CNKSR3: variants seen among roughly 807,000 people sequenced by gnomAD.
The protein encoded by CNKSR3 is connector enhancer of kinase suppressor of ras 3.
Under a neutral mutation model 67.7 loss-of-function variants are expected in CNKSR3, and 36 were observed. The ratio of observed to expected loss-of-function variants is 0.53; its 90% CI spans 0.41 to 0.70. The LOEUF (loss-of-function observed/expected upper bound fraction) is 0.70, where lower values mean the gene tolerates loss of function less well. CNKSR3 is among the 30% of genes least tolerant of loss of function. The pLI is 0.00. For synonymous variants in CNKSR3, 281 were observed against 271.4 expected (o/e 1.04, Z -0.35); for missense variants, 630 against 695.2 (o/e 0.91, Z 1.05).
In CNKSR3 at chr6:154,406,524, T is replaced by C; in HGVS notation, c.1498A>G (p.Ile500Val). The C allele has an allele frequency of 6.2e-7, 1 of 1,614,210 alleles. No homozygotes were observed. The highest frequency in any genetic ancestry group is 8.5e-7 in the Non-Finnish European group (1 of 1,180,036). The stretch of plus-strand genomic sequence containing the variant: ...TTGATGTAGCACCTGCTTCCTCGGA[T>C]GTAGTCCGCACCCCGGACCAGATGC... ...ERHLVRGADYIRGSRCYINSD... is the reference protein window; with the variant it reads ...ERHLVRGADYVRGSRCYINSD... The change falls in exon 13 of 13, where the codon ATC becomes GTC. Residue 500 changes from isoleucine to valine, a missense_variant. Physicochemically the swap from Ile to Val is conservative, Grantham distance 29. This residue lies in a region of CNKSR3 where 308 missense variants were observed against 299.6 expected (regional missense o/e 1.03). Transcript: ENST00000607772.
chr6:154,441,448 T>G, intron 3 of CNKSR3, 69 bp from the exon 4 acceptor site: 1 of 1,098,122 alleles, frequency 9.1e-7, no homozygotes, highest in Non-Finnish European at 1.4e-6. Context: ...TGGATGTTGG[T>G]AAGCATAGCT....
intron 1 of CNKSR3, among the ~76,000 whole-genome samples, chr6:154,479,225 A>AT (rs1786516581): frequency 8.4e-6 from 1 of 118,562 alleles, no homozygotes; most frequent in Non-Finnish European, 1.9e-5. Context: ...GAGAAAAAAA[A>AT]AAAAAATATT....
At position 154,459,537 on chromosome 6, in the gene CNKSR3, C is replaced by T. The variant is rs142466521; in HGVS notation, c.53-9279G>A. On this transcript the variant is annotated intron_variant, in intron 1 of 12. Transcript: ENST00000607772. ...CACATTGCTGAAGAGCTACCAAATA[C>T]GTAGTAATGAGCCCACAGCTTCAAT... Among the ~76,000 whole-genome samples the T allele has an allele frequency of 2.9e-3, 435 of 152,316 alleles. 3 individuals are homozygous for T. Among genetic ancestry groups the T allele is most frequent in the African/African-American group, 9.9e-3 (413 of 41,566 alleles).
intron 12 of CNKSR3, among the ~76,000 whole-genome samples, chr6:154,406,867 C>CA (rs1395084958): frequency 1.3e-5 from 2 of 151,528 alleles, no homozygotes; most frequent in Non-Finnish European, 2.9e-5. Flanking sequence ...CTCAGAGAAA[C>CA]GTTTGAACCC....
In CNKSR3 at chr6:154,426,677, G is replaced by T. The variant is rs1024818336; in HGVS notation, c.729+1451C>A. Among the ~76,000 whole-genome samples, 2 of 152,130 alleles carry T rather than the reference G, an allele frequency of 1.3e-5. 1 individual carries two copies. Among genetic ancestry groups the T allele is most frequent in the Admixed American group, 1.3e-4 (2 of 15,262 alleles). On this transcript the variant is annotated intron_variant, in intron 7 of 12. Coordinates refer to ENST00000607772, the MANE Select transcript of CNKSR3 (RefSeq NM_173515.4). ...GCCCGTCTTTTCTTTAAAACGGGGG[G>T]TGGTGCAAGAGGAAGGAAGTACTAT...
intron 2 of CNKSR3, among the ~76,000 whole-genome samples, chr6:154,443,611 T>C (rs538677100): frequency 3.9e-4 from 59 of 152,026 alleles, no homozygotes; most frequent in African/African-American, 1.4e-3. Context: ...TGGACAATCA[T>C]AGAGTCATGG....
chr6:154,484,109 A>G (rs1786618878), intron 1 of CNKSR3, among the ~76,000 whole-genome samples: 1 of 152,184 alleles, frequency 6.6e-6, no homozygotes, highest in Non-Finnish European at 1.5e-5. Context: ...CCTGCCACTT[A>G]AATCTCTGGG....
intron 1 of CNKSR3, among the ~76,000 whole-genome samples, chr6:154,453,736 T>C (rs1218480108): frequency 6.6e-6 from 1 of 152,146 alleles, no homozygotes; most frequent in Non-Finnish European, 1.5e-5. Flanking sequence ...TATTACGCAG[T>C]CCCACAAAGG....
intron 7 of CNKSR3, among the ~76,000 whole-genome samples, chr6:154,424,854 CT>C: frequency 6.6e-6 from 1 of 152,172 alleles, no homozygotes. Flanking sequence ...CCACTGTAAC[CT>C]CTGCCTCCCA....
chr6:154,450,101 A>T lies in CNKSR3; in HGVS notation c.210T>A (p.Cys70Ter). 1 of 1,614,126 alleles carries T rather than the reference A, an allele frequency of 6.2e-7. No homozygotes were observed. Among genetic ancestry groups the T allele is most frequent in the Non-Finnish European group, 8.5e-7 (1 of 1,179,998 alleles). Residue 70 changes from cysteine (C) to a stop codon, truncating the protein, a stop_gained, in exon 2 of 13, where the codon TGT (cysteine) becomes TGA (stop). Transcript: ENST00000607772. LOFTEE classifies it high-confidence loss of function. ...ELVLEAVDLL[C>*]ALNYGLETDN... ...CGTCTTTTCCTGAACTAACCAGTGC[A>T]CAGAGAAGGTCCACAGCCTCCAACA...
At chr6:154,410,290 G>T in intron 12 of CNKSR3, 53 bp downstream of exon 12, 1 of 1,295,544 alleles carries the variant, frequency 7.7e-7, no homozygotes, top group South Asian at 1.2e-5. Context: ...ACCAGGCCCT[G>T]GGGCTGTTCA....
intron 9 of CNKSR3, among the ~76,000 whole-genome samples, chr6:154,418,955 C>CAA (rs760812411): frequency 1.5e-4 from 13 of 87,212 alleles, no homozygotes; most frequent in South Asian, 3.5e-4. Flanking sequence ...AACTCAACAG[C>CAA]AAAAAAAAAA....
At chr6:154,474,513 A>T (rs1485241686) in intron 1 of CNKSR3, among the ~76,000 whole-genome samples, 1 of 152,138 alleles carries the variant, frequency 6.6e-6, no homozygotes, top group East Asian at 1.9e-4. Context: ...GAAAACAAAA[A>T]CAAGGTTAGA....
rs896489253 is a variant in CNKSR3 at position 154,388,412 on chromosome 6, G to A, written c.*17942C>T. On this transcript the variant is annotated 3_prime_UTR_variant, in exon 13 of 13. Coordinates refer to ENST00000607772, the MANE Select transcript of CNKSR3 (RefSeq NM_173515.4). ...ATACATTTTCTTTATTCATTTCTCCGCCGATGGACGCTTAGATTGTTTGTG... is the reference window on the plus strand; with the variant it reads ...ATACATTTTCTTTATTCATTTCTCCACCGATGGACGCTTAGATTGTTTGTG... The A allele has an allele frequency of 2.6e-5, 4 of 151,944 alleles. No individual in the cohort carries two copies. The highest frequency in any genetic ancestry group is 1.3e-4 in the Admixed American group (2 of 15,254). The allele number at this position is 151,944 out of a possible 1,614,324, so 9.4% of individuals were successfully genotyped here.
chr6:154,467,547 T>C (rs904363651), intron 1 of CNKSR3, among the ~76,000 whole-genome samples: 1 of 152,198 alleles, frequency 6.6e-6, no homozygotes, highest in African/African-American at 2.4e-5. Flanking sequence ...GCAAGAAGCA[T>C]AGGTCATATT....
At chr6:154,453,903 C>T (rs1785891764) in intron 1 of CNKSR3, among the ~76,000 whole-genome samples, 1 of 152,094 alleles carries the variant, frequency 6.6e-6, no homozygotes, top group East Asian at 1.9e-4. Context: ...ACACACAATT[C>T]AGTAAAATTA....
Position 154,450,147 on chromosome 6 carries a change from C to T in CNKSR3, c.164G>A (p.Arg55Gln), listed in dbSNP as rs769098143. ...HQDLEELGVT[R>Q]IGHQELVLEA... ...CAACACAAGCTCCTGGTGTCCAATCCGTGTGACCCCCAGCTCCTCCAGGTC... is the reference window on the plus strand; with the variant it reads ...CAACACAAGCTCCTGGTGTCCAATCTGTGTGACCCCCAGCTCCTCCAGGTC... The change falls in exon 2 of 13, where the codon CGG becomes CAG. Residue 55 changes from arginine (R) to glutamine (Q), a missense_variant. Physicochemically the swap from Arg to Gln is conservative, Grantham distance 43 (BLOSUM62 1). This residue lies in a region of CNKSR3 where 189 missense variants were observed against 205.0 expected (regional missense o/e 0.92). Transcript: ENST00000607772. The T allele has an allele frequency of 3.1e-5, 50 of 1,614,058 alleles. No individual in the cohort carries two copies. The highest frequency in any genetic ancestry group is 4.2e-5 in the Non-Finnish European group (49 of 1,180,022).
At chr6:154,439,144 G>A (rs1478511041) in intron 4 of CNKSR3, among the ~76,000 whole-genome samples, 1 of 152,032 alleles carries the variant, frequency 6.6e-6, no homozygotes, top group East Asian at 1.9e-4. Context: ...ACTCCTTCCT[G>A]TGCGCCTTCC....
chr6:154,489,074 T>G (rs1786732070), intron 1 of CNKSR3, among the ~76,000 whole-genome samples: 1 of 152,046 alleles, frequency 6.6e-6, no homozygotes, highest in Non-Finnish European at 1.5e-5. Flanking sequence ...CCTAATCAAT[T>G]CCCATTCATT....
Sources: gnomAD v4.1 joint callset for allele counts (sites outside exome capture counted in the v4.1 genomes callset) on GRCh38, gnomAD v4.1.1 for gene constraint, gnomAD v4.1.1 regional missense constraint, MANE v1.5 for transcripts, NCBI Gene and HGNC (gene_info 2026-07-23, HGNC 2026-07-21) for gene names.